The following LPP variants were observed in gnomAD, a reference collection of about 807,000 sequenced individuals.
LPP encodes lipoma-preferred partner.
Under a neutral mutation model 60.4 loss-of-function variants are expected in LPP, and 38 were observed. The observed-to-expected ratio is 0.63, with a 90% CI of 0.49 to 0.83. LPP has a LOEUF of 0.83. Ranked by LOEUF, LPP falls within the 40% of genes least tolerant of loss-of-function variation. LPP has a pLI of 0.00. For missense variants in LPP, 902 were observed against 783.6 expected, an observed-to-expected ratio of 1.15 and a Z score of -1.80; for synonymous variants, 328 against 290.8, an observed-to-expected ratio of 1.13 and a Z score of -1.30.
At chr3:188,811,351 T>TACAC (rs58445393) in intron 9 of LPP, among the ~76,000 whole-genome samples, 5,723 of 144,908 alleles carry the variant, frequency 0.039, 106 homozygotes, top group African/African-American at 0.049. Flanking sequence ...AAGTGCTGTA[T>TACAC]ACACACACAC....
intron 4 of LPP, among the ~76,000 whole-genome samples, chr3:188,453,627 G>A (rs1365381101): frequency 6.6e-6 from 1 of 151,798 alleles, no homozygotes; most frequent in Non-Finnish European, 1.5e-5. Flanking sequence ...CTTCCTCTGT[G>A]TCTTTGCTTG....
intron 1 of LPP, chr3:188,180,391 C>G (rs1324862859): frequency 6.5e-6 from 1 of 154,596 alleles, no homozygotes; most frequent in Non-Finnish European, 1.5e-5. Flanking sequence ...CTTGCAGCCT[C>G]TGTGTCTTAG....
chr3:188,882,645 C>T lies in LPP; in HGVS notation c.*8166C>T, dbSNP rs1770177113. ...AGAACAAGCAGGACATCTCTATTTT[C>T]CTATTGAGTCTGAGTCCATTATTAG... On this transcript the variant is annotated 3_prime_UTR_variant, in exon 12 of 12. Transcript: ENST00000617246. 4.6e-6 allele frequency: 1 copy of T among 218,866 alleles called. No individual in the cohort carries two copies. Among genetic ancestry groups the T allele is most frequent in the Non-Finnish European group, 9.2e-6 (1 of 109,262 alleles). The allele number at this position is 218,866 out of a possible 1,614,324, so 13.6% of individuals were successfully genotyped here.
At chr3:188,774,697 G>A (rs1022063474) in intron 9 of LPP, among the ~76,000 whole-genome samples, 1 of 152,174 alleles carries the variant, frequency 6.6e-6, no homozygotes, top group African/African-American at 2.4e-5. Flanking sequence ...GGATTCTGCT[G>A]AGGACTGTCT....
rs1242343411 is a variant in LPP at position 188,694,658 on chromosome 3, T to A, written c.1114-13609T>A. On this transcript the variant is annotated intron_variant, in intron 7 of 11. Coordinates refer to ENST00000617246, the MANE Select transcript of LPP (RefSeq NM_001375462.1). ...CAGAGGTTGCGGTGAGCCGAGATGT[T>A]GCCATTGCACACTGAGCAACAAGAG... 2.7e-5 allele frequency among the ~76,000 whole-genome samples: 4 copies of A among 150,532 alleles called. No individual in the cohort carries two copies. In the East Asian group the frequency reaches 7.8e-4, roughly 29 times the overall value.
chr3:188,341,124 A>G (rs926854392), intron 2 of LPP, among the ~76,000 whole-genome samples: 2 of 152,206 alleles, frequency 1.3e-5, no homozygotes, highest in African/African-American at 2.4e-5. Context: ...CCTCATTTCA[A>G]TCAAATAGCT....
chr3:188,354,538 T>G (rs1290956848), intron 3 of LPP, among the ~76,000 whole-genome samples: 2 of 152,178 alleles, frequency 1.3e-5, no homozygotes, highest in African/African-American at 2.4e-5. Flanking sequence ...TATTGAGACT[T>G]GGGTTTTTAG....
chr3:188,227,062 T>G (rs1159056502), intron 2 of LPP, among the ~76,000 whole-genome samples: 2 of 152,220 alleles, frequency 1.3e-5, no homozygotes, highest in African/African-American at 4.8e-5. Context: ...TAAACTGTGA[T>G]AAGTATGAAG....
At chr3:188,294,719 G>A (rs1012817709) in intron 2 of LPP, among the ~76,000 whole-genome samples, 14 of 152,224 alleles carry the variant, frequency 9.2e-5, no homozygotes, top group African/African-American at 3.4e-4. Context: ...CAGCACAAGA[G>A]AAATGTGTGA....
At chr3:188,175,481 T>C (rs1722807819) in intron 1 of LPP, among the ~76,000 whole-genome samples, 1 of 152,224 alleles carries the variant, frequency 6.6e-6, no homozygotes, top group African/African-American at 2.4e-5. Context: ...TTTCAGGCAC[T>C]ATTTCAGCAG....
At chr3:188,503,640 C>CT (rs60878110) in intron 5 of LPP, among the ~76,000 whole-genome samples, 24,464 of 141,164 alleles carry the variant, frequency 0.17, 2,662 homozygotes, top group East Asian at 0.44. Flanking sequence ...TCTCTCACCT[C>CT]TTTTTTTTTT....
intron 1 of LPP, among the ~76,000 whole-genome samples, chr3:188,206,319 C>T (rs1312420942): frequency 6.6e-6 from 1 of 152,152 alleles, no homozygotes; most frequent in Non-Finnish European, 1.5e-5. Context: ...GCCACAAGGT[C>T]TTTGACCTGC....
At chr3:188,248,493 T>TATATATATATATATAC (rs1727891367) in intron 2 of LPP, among the ~76,000 whole-genome samples, 1 of 139,446 alleles carries the variant, frequency 7.2e-6, no homozygotes, top group Non-Finnish European at 1.5e-5. Flanking sequence ...TATATATATA[T>TATATATATATATATAC]ATATACAGTC....
chr3:188,436,756 T>C (rs1792412072), intron 4 of LPP, among the ~76,000 whole-genome samples: 1 of 152,140 alleles, frequency 6.6e-6, no homozygotes. Context: ...TGAAAAAGAA[T>C]ATATATTTTA....
intron 8 of LPP, chr3:188,708,658 T>G: frequency 1.8e-6 from 1 of 555,296 alleles, no homozygotes; most frequent in Non-Finnish European, 3.2e-6. Context: ...ACTTATTTTT[T>G]ACCAGTCTAG....
At chr3:188,845,807 C>T (rs1761249039) in intron 9 of LPP, among the ~76,000 whole-genome samples, 1 of 152,212 alleles carries the variant, frequency 6.6e-6, no homozygotes, top group Non-Finnish European at 1.5e-5. Flanking sequence ...GAGATCATAT[C>T]TGTCCTAGAC....
intron 5 of LPP, among the ~76,000 whole-genome samples, chr3:188,493,767 A>G (rs1237263115): frequency 1.3e-5 from 2 of 152,090 alleles, no homozygotes; most frequent in Non-Finnish European, 2.9e-5. Flanking sequence ...TAATATGTTG[A>G]AAATATATTT....
chr3:188,420,137 T>C (rs1254327987), intron 4 of LPP, among the ~76,000 whole-genome samples: 2 of 152,128 alleles, frequency 1.3e-5, no homozygotes, highest in Admixed American at 6.6e-5. Flanking sequence ...TAGCTCATGC[T>C]GACCATTTAA....
intron 1 of LPP, among the ~76,000 whole-genome samples, chr3:188,205,723 A>T (rs1476088298): frequency 6.6e-6 from 1 of 152,170 alleles, no homozygotes; most frequent in African/African-American, 2.4e-5. Flanking sequence ...CTTGGAATTT[A>T]CTGGAATCAG....
Sources: allele counts gnomAD v4.1 joint callset (sites outside exome capture counted in the v4.1 genomes callset), GRCh38; gene constraint gnomAD v4.1.1; transcripts MANE v1.5; gene names NCBI Gene and HGNC (gene_info 2026-07-23, HGNC 2026-07-21).